The following ANK1 variants were observed in gnomAD, a reference collection of about 807,000 sequenced individuals.
ANK1 encodes ankyrin 1, also known as ankyrin-1.
Under a neutral mutation model 210.4 loss-of-function variants are expected in ANK1, and 51 were observed. That is an observed-to-expected ratio of 0.24 (90% CI 0.19 to 0.31). ANK1 has a LOEUF of 0.31. Ranked by LOEUF, ANK1 falls within the 10% of genes least tolerant of loss-of-function variation. The pLI is 1.00. For synonymous variants in ANK1, 967 were observed against 1,025.9 expected, an observed-to-expected ratio of 0.94 and a Z score of 1.10; for missense variants, 2,051 against 2,504.4, an observed-to-expected ratio of 0.82 and a Z score of 3.86.
At chr8:41,712,454 C>T (rs536468367) in intron 16 of ANK1, among the ~76,000 whole-genome samples, 6 of 152,334 alleles carry the variant, frequency 3.9e-5, no homozygotes, top group Non-Finnish European at 5.9e-5. Flanking sequence ...TCTCAGAACA[C>T]GGACTGCCCC....
At chr8:41,733,225 C>T (rs1026465624) in intron 3 of ANK1, among the ~76,000 whole-genome samples, 1 of 152,178 alleles carries the variant, frequency 6.6e-6, no homozygotes, top group African/African-American at 2.4e-5. Context: ...GGATGCCTGG[C>T]GTCGCCCCAT....
chr8:41,822,099 AG>A (rs1804431182), intron 1 of ANK1, among the ~76,000 whole-genome samples: 5 of 47,878 alleles, frequency 1.0e-4, no homozygotes, highest in African/African-American at 4.0e-4. Flanking sequence ...AGAGAGAGAG[AG>A]AGAGAGAGAG....
At chr8:41,836,924 G>GAAA (rs869199711) in intron 1 of ANK1, among the ~76,000 whole-genome samples, 1 of 120,072 alleles carries the variant, frequency 8.3e-6, no homozygotes, top group Admixed American at 8.8e-5. Context: ...TATCTCTGGG[G>GAAA]AAAAAAAAAA....
chr8:41,811,760 C>A (rs1307336711), intron 1 of ANK1, among the ~76,000 whole-genome samples: 1 of 152,234 alleles, frequency 6.6e-6, no homozygotes, highest in Non-Finnish European at 1.5e-5. Flanking sequence ...TATGCCGGTG[C>A]AATGTTCAAC....
At chr8:41,846,926 A>T (rs1810168709) in intron 1 of ANK1, among the ~76,000 whole-genome samples, 2 of 152,190 alleles carry the variant, frequency 1.3e-5, no homozygotes, top group African/African-American at 4.8e-5. Context: ...TCCAGCTCAC[A>T]ACCCGAACAC....
chr8:41,717,489 G>A, intron 12 of ANK1, 115 bp downstream of exon 12: 1 of 994,048 alleles, frequency 1.0e-6, no homozygotes, highest in South Asian at 1.4e-5. Flanking sequence ...TGAAGCATTG[G>A]CTGTTCTGGG....
rs140787628 is a variant in ANK1, at chr8:41,777,689, C to T, written c.28-19552G>A. 8.8e-4 allele frequency among the ~76,000 whole-genome samples: 134 copies of T among 152,312 alleles called. 1 individual carries two copies. Among genetic ancestry groups the T allele is most frequent in the African/African-American group, 3.1e-3 (129 of 41,572 alleles). On this transcript the variant is annotated intron_variant, in intron 1 of 42. Transcript: ENST00000289734. ...TTCCAGCTCTGCAGTTCCATGAATT[C>T]GTGAAGTGAAGACCTCATTTCTACT...
chr8:41,694,503 T>A lies in ANK1; in HGVS notation c.3327+89A>T. The A allele has an allele frequency of 3.9e-6, 5 of 1,281,118 alleles. No homozygotes were observed. Among genetic ancestry groups the A allele is most frequent in the Middle Eastern group, 2.6e-4 (1 of 3,850 alleles). The allele number at this position is 1,281,118 out of a possible 1,614,324, so 79.4% of individuals were successfully genotyped here. On this transcript the variant is annotated intron_variant, in intron 28 of 42. Transcript: ENST00000289734. The surrounding 1 kb of genome is among the most constrained non-coding windows in gnomAD (Gnocchi z 5.7). ...GGCATTTCAAAGCACCAGACAAAAG[T>A]GTGGGGATGTCCTGGGGAAGAGGGT...
At chr8:41,864,403 C>T (rs1330766762) in intron 1 of ANK1, among the ~76,000 whole-genome samples, 1 of 152,084 alleles carries the variant, frequency 6.6e-6, no homozygotes, top group African/African-American at 2.4e-5. Flanking sequence ...GGGATGTGGA[C>T]AATCCCCTGA....
intron 1 of ANK1, among the ~76,000 whole-genome samples, chr8:41,766,259 G>T (rs1188782865): frequency 1.3e-5 from 2 of 152,138 alleles, no homozygotes; most frequent in African/African-American, 4.8e-5. Flanking sequence ...TCTGAGAGCC[G>T]CACTGGGGTA....
chr8:41,806,395 G>A (rs1850970597), intron 1 of ANK1, among the ~76,000 whole-genome samples: 1 of 151,956 alleles, frequency 6.6e-6, no homozygotes, highest in Non-Finnish European at 1.5e-5. Context: ...CAAGATAAAG[G>A]GAAAAAAGGA....
At chr8:41,744,960 G>A (rs544389349) in intron 2 of ANK1, among the ~76,000 whole-genome samples, 1 of 152,354 alleles carries the variant, frequency 6.6e-6, no homozygotes, top group South Asian at 2.1e-4. Context: ...TGGGCACGCT[G>A]AGGGCCTATT....
At chr8:41,675,702 A>T (rs560456112) in intron 37 of ANK1, among the ~76,000 whole-genome samples, 6 of 152,170 alleles carry the variant, frequency 3.9e-5, no homozygotes, top group Non-Finnish European at 7.3e-5. Flanking sequence ...GAAAAAGGAC[A>T]TTTGTCACCC....
In ANK1 at chr8:41,653,427, A is replaced by G. The variant is rs985516365; in HGVS notation, c.*2363T>C. The stretch of plus-strand genomic sequence containing the variant: ...AAGCGTCTAATGTGCAGACTGCAGC[A>G]TTCTCTAGGCATCGTGTGGAGACCC... On this transcript the variant is annotated 3_prime_UTR_variant, in exon 43 of 43. Transcript: ENST00000289734. The G allele has an allele frequency of 6.5e-5, 10 of 152,698 alleles. No homozygotes were observed. Among genetic ancestry groups the G allele is most frequent in the African/African-American group, 2.2e-4 (9 of 41,462 alleles). The allele number at this position is 152,698 out of a possible 1,614,324, so 9.5% of individuals were successfully genotyped here.
At chr8:41,769,641 C>T (rs989167716) in intron 1 of ANK1, among the ~76,000 whole-genome samples, 1 of 152,178 alleles carries the variant, frequency 6.6e-6, no homozygotes, top group African/African-American at 2.4e-5. Context: ...AATTGACACA[C>T]TACGAGTTGC....
At chr8:41,688,801 C>T (rs1818415592) in intron 33 of ANK1, among the ~76,000 whole-genome samples, 1 of 152,178 alleles carries the variant, frequency 6.6e-6, no homozygotes, top group African/African-American at 2.4e-5. Context: ...TTATTAATCA[C>T]AGTCGTAATA....
At chr8:41,776,363 G>A (rs985263638) in intron 1 of ANK1, among the ~76,000 whole-genome samples, 3 of 152,108 alleles carry the variant, frequency 2.0e-5, no homozygotes, top group African/African-American at 7.2e-5. Flanking sequence ...AATGAGCGGG[G>A]ATCTGTCCTT....
chr8:41,848,251 A>G (rs1810468363), intron 1 of ANK1, among the ~76,000 whole-genome samples: 1 of 152,212 alleles, frequency 6.6e-6, no homozygotes, highest in Admixed American at 6.5e-5. Flanking sequence ...ATACATTATT[A>G]TGCAACAAAT....
rs1456560228 is a variant in ANK1, at chr8:41,665,327, G to A, written c.5395-1585C>T. On this transcript the variant is annotated intron_variant, in intron 39 of 42. Coordinates refer to ENST00000289734, the MANE Select transcript of ANK1 (RefSeq NM_000037.4). ...TTTTACCTCCCCAAACCAGCTGCCG[G>A]AGCTGTCCAACCGGGCTAGAAGGAA... 8 of 1,344,416 alleles carry A rather than the reference G, an allele frequency of 6.0e-6. No individual in the cohort carries two copies. In the African/African-American group the frequency reaches 1.2e-4, roughly 20 times the overall value. 83.3% of individuals were successfully genotyped at this position (1,344,416 alleles called of 1,614,324 possible). A position where few individuals can be genotyped will look rare whatever the true frequency, so the allele number is the denominator to read the frequency against.
Sources: allele counts gnomAD v4.1 joint callset (sites outside exome capture counted in the v4.1 genomes callset), GRCh38; gene constraint gnomAD v4.1.1; non-coding constraint Gnocchi (gnomAD v3.1); transcripts MANE v1.5; gene names NCBI Gene and HGNC (gene_info 2026-07-23, HGNC 2026-07-21).